UVRAG: variants seen among roughly 807,000 people sequenced by gnomAD.
The protein encoded by UVRAG is UV radiation resistance-associated gene protein.
In UVRAG, 19 loss-of-function variants were observed where a neutral mutation model predicts 78.0. That is an observed-to-expected ratio of 0.24 (90% CI 0.17 to 0.36). UVRAG has a LOEUF of 0.36. UVRAG is among the 10% of genes least tolerant of loss of function. The probability of loss-of-function intolerance (pLI) is 1.00; values close to 1 mark genes in which losing one functional copy is unlikely to be tolerated. For synonymous variants in UVRAG, 323 were observed against 324.6 expected (o/e 1.00, Z 0.05); for missense variants, 740 against 853.8 (o/e 0.87, Z 1.66).
chr11:76,005,678 A>G (rs1949921209), intron 9 of UVRAG, among the ~76,000 whole-genome samples: 1 of 152,218 alleles, frequency 6.6e-6, no homozygotes, highest in Non-Finnish European at 1.5e-5. Flanking sequence ...GCCTCACCAC[A>G]TCAGGTGCCA....
chr11:76,019,181 A>T (rs1950197372), intron 12 of UVRAG, among the ~76,000 whole-genome samples: 1 of 152,174 alleles, frequency 6.6e-6, no homozygotes, highest in African/African-American at 2.4e-5. Context: ...TATCCACTTG[A>T]TTCTTTTTAA....
At chr11:75,828,804 TA>T (rs1254441769) in intron 1 of UVRAG, among the ~76,000 whole-genome samples, 2,229 of 46,478 alleles carry the variant, frequency 0.048, 90 homozygotes, top group African/African-American at 0.082. Context: ...TATATATATA[TA>T]TTTTTTTTTT....
At chr11:75,999,876 A>G (rs1949778499) in intron 8 of UVRAG, among the ~76,000 whole-genome samples, 1 of 152,144 alleles carries the variant, frequency 6.6e-6, no homozygotes, top group South Asian at 2.1e-4. Flanking sequence ...AGTATGTATA[A>G]TGCAAATATT....
chr11:75,993,889 C>T (rs1949658520), intron 8 of UVRAG, among the ~76,000 whole-genome samples: 1 of 152,006 alleles, frequency 6.6e-6, no homozygotes, highest in South Asian at 2.1e-4. Context: ...AGGCGTATCA[C>T]ATGGTGAAAG....
intron 3 of UVRAG, among the ~76,000 whole-genome samples, chr11:75,875,035 G>C (rs1168025642): frequency 1.3e-5 from 2 of 152,152 alleles, no homozygotes; most frequent in Non-Finnish European, 2.9e-5. Context: ...TGGTCACCCA[G>C]TGATTCGTGA....
rs111414213 is a variant in UVRAG, at chr11:75,928,223, C to G, written c.593+16184C>G. On this transcript the variant is annotated intron_variant, in intron 6 of 14. Coordinates refer to ENST00000356136, the MANE Select transcript of UVRAG (RefSeq NM_003369.4). ...TGGTGAAATAGCCATCCCACACTTA[C>G]CAGACACCTAAATAAGGAAACTGTC... 1.0e-3 allele frequency among the ~76,000 whole-genome samples: 159 copies of G among 152,288 alleles called. 1 individual carries two copies. Among genetic ancestry groups the G allele is most frequent in the Admixed American group, 6.9e-3 (105 of 15,302 alleles).
At chr11:76,123,544 T>C (rs1349218688) in intron 14 of UVRAG, among the ~76,000 whole-genome samples, 1 of 152,180 alleles carries the variant, frequency 6.6e-6, no homozygotes, top group Admixed American at 6.5e-5. Context: ...AAGAATAAGA[T>C]GAAAGCAAGA....
At chr11:75,862,629 A>C (rs76998747) in intron 3 of UVRAG, among the ~76,000 whole-genome samples, 2 of 152,318 alleles carry the variant, frequency 1.3e-5, no homozygotes, top group Admixed American at 6.5e-5. Context: ...CGCTTGACTG[A>C]AGAGGTCTTC....
intron 12 of UVRAG, among the ~76,000 whole-genome samples, chr11:76,024,926 A>G (rs150236469): frequency 1.8e-3 from 279 of 152,338 alleles, no homozygotes; most frequent in African/African-American, 6.5e-3. Flanking sequence ...TGGATAAATT[A>G]TAATTAATGT....
intron 6 of UVRAG, among the ~76,000 whole-genome samples, chr11:75,959,308 G>C (rs1948865652): frequency 6.6e-6 from 1 of 152,198 alleles, no homozygotes; most frequent in Non-Finnish European, 1.5e-5. Flanking sequence ...AAAATCTGTT[G>C]TTTAGTATAA....
At chr11:75,900,275 C>A (rs1235748267) in intron 5 of UVRAG, among the ~76,000 whole-genome samples, 4 of 152,142 alleles carry the variant, frequency 2.6e-5, no homozygotes, top group African/African-American at 9.7e-5. Context: ...TTTCACCATT[C>A]TTTTTTAGAT....
At chr11:75,925,274 C>T (rs1591024916) in intron 6 of UVRAG, among the ~76,000 whole-genome samples, 1 of 152,210 alleles carries the variant, frequency 6.6e-6, no homozygotes, top group East Asian at 1.9e-4. Context: ...TTAAAACCTA[C>T]CCCACCCATA....
chr11:76,005,844 A>G (rs1437878674), intron 9 of UVRAG, among the ~76,000 whole-genome samples: 1 of 152,242 alleles, frequency 6.6e-6, no homozygotes, highest in Non-Finnish European at 1.5e-5. Context: ...TATAAAGGAC[A>G]TTACAAAAGA....
At chr11:76,115,846 T>A (rs1952167050) in intron 13 of UVRAG, 78 bp from the exon 14 acceptor site, 1 of 1,301,450 alleles carries the variant, frequency 7.7e-7, no homozygotes, top group Admixed American at 1.9e-5. Flanking sequence ...TTCAAAAAAA[T>A]AACTTGTTTA....
intron 14 of UVRAG, among the ~76,000 whole-genome samples, chr11:76,126,925 C>A (rs1364919877): frequency 6.6e-6 from 1 of 152,168 alleles, no homozygotes; most frequent in Non-Finnish European, 1.5e-5. Context: ...CTCTACCTCA[C>A]CCCCAACACA....
chr11:75,924,092 T>G (rs1360017631), intron 6 of UVRAG, among the ~76,000 whole-genome samples: 1 of 152,220 alleles, frequency 6.6e-6, no homozygotes, highest in East Asian at 1.9e-4. Flanking sequence ...ATGTTGTTCC[T>G]AGCATATAGC....
At chr11:75,826,372 G>A (rs1244103597) in intron 1 of UVRAG, among the ~76,000 whole-genome samples, 1 of 151,196 alleles carries the variant, frequency 6.6e-6, no homozygotes, top group African/African-American at 2.4e-5. Flanking sequence ...GGCCAGGCTG[G>A]TCTCAAACTC....
intron 12 of UVRAG, among the ~76,000 whole-genome samples, chr11:76,036,506 A>C (rs1008807445): frequency 2.6e-5 from 4 of 152,112 alleles, no homozygotes; most frequent in Non-Finnish European, 5.9e-5. Context: ...CCACTACCCG[A>C]CTTCAACTTG....
intron 13 of UVRAG, among the ~76,000 whole-genome samples, chr11:76,100,185 A>G (rs563115649): frequency 1.2e-4 from 18 of 152,280 alleles, no homozygotes; most frequent in African/African-American, 3.4e-4. Context: ...ACTATAATCT[A>G]TGGAGAACAA....
Sources: allele counts gnomAD v4.1 joint callset (sites outside exome capture counted in the v4.1 genomes callset), GRCh38; gene constraint gnomAD v4.1.1; transcripts MANE v1.5; gene names NCBI Gene and HGNC (gene_info 2026-07-23, HGNC 2026-07-21).